AKAP13: variants seen among roughly 807,000 people sequenced by gnomAD.
The protein encoded by AKAP13 is A-kinase anchor protein 13.
In AKAP13, 80 loss-of-function variants were observed where a neutral mutation model predicts 264.5. The ratio of observed to expected loss-of-function variants is 0.30; its 90% CI spans 0.25 to 0.36. The LOEUF is 0.36. Ranked by LOEUF, AKAP13 falls within the 10% of genes least tolerant of loss-of-function variation. AKAP13 has a pLI of 1.00. For synonymous variants in AKAP13, 1,380 were observed against 1,250.2 expected, an observed-to-expected ratio of 1.10 and a Z score of -2.19; for missense variants, 3,712 against 3,435.2, an observed-to-expected ratio of 1.08 and a Z score of -2.01.
chr15:85,651,793 A>T lies in AKAP13; in HGVS notation c.4375-3624A>T, dbSNP rs183202898. ...TGTCTTAACTGTTTTCCCACCGCAG[A>T]TTAGTTTTCTGTTTCAGAACTTCGT... is the stretch of plus-strand genomic sequence containing the variant. On this transcript the variant is annotated intron_variant, in intron 10 of 36. Transcript: ENST00000394518. Among the ~76,000 whole-genome samples the T allele has an allele frequency of 3.3e-5, 5 of 152,298 alleles. No homozygotes were observed. The East Asian group carries it at 9.6e-4, about 29-fold the overall frequency.
At chr15:85,617,535 C>T (rs2080997004) in intron 8 of AKAP13, among the ~76,000 whole-genome samples, 1 of 152,176 alleles carries the variant, frequency 6.6e-6, no homozygotes, top group African/African-American at 2.4e-5. Flanking sequence ...CCACCGCGCC[C>T]AGCCGGTAGG....
At position 85,745,387 on chromosome 15, in the gene AKAP13, C is replaced by G. The variant is rs1202759926; in HGVS notation, c.*710C>G. 1.3e-5 allele frequency: 2 copies of G among 152,184 alleles called. No individual in the cohort carries two copies. The highest frequency in any genetic ancestry group is 4.8e-5 in the African/African-American group (2 of 41,428). The allele number at this position is 152,184 out of a possible 1,614,324, so 9.4% of individuals were successfully genotyped here. On this transcript the variant is annotated 3_prime_UTR_variant, in exon 37 of 37. Transcript: ENST00000394518. ...GTATAAAAGACGTGATGTGCACCAC[C>G]TCGATCTCGGTGTTTCAGGCACTAA...
chr15:85,590,319 G>A (rs2079534276), intron 8 of AKAP13, among the ~76,000 whole-genome samples: 1 of 152,138 alleles, frequency 6.6e-6, no homozygotes, highest in African/African-American at 2.4e-5. Context: ...AACGTGTAAT[G>A]GTCAGAGCAT....
At chr15:85,674,383 G>A (rs1179140476) in intron 14 of AKAP13, among the ~76,000 whole-genome samples, 3 of 152,136 alleles carry the variant, frequency 2.0e-5, no homozygotes, top group African/African-American at 7.2e-5. Context: ...TGAATTTCAT[G>A]TTCAGATGTG....
chr15:85,657,242 T>C (rs1429882025), intron 11 of AKAP13, among the ~76,000 whole-genome samples: 1 of 152,188 alleles, frequency 6.6e-6, no homozygotes, highest in Non-Finnish European at 1.5e-5. Context: ...GATAATATTA[T>C]GGCTGTGTAA....
intron 8 of AKAP13, among the ~76,000 whole-genome samples, chr15:85,605,623 C>G (rs191899182): frequency 6.6e-6 from 1 of 151,854 alleles, no homozygotes; most frequent in Non-Finnish European, 1.5e-5. Flanking sequence ...ACATGTAGCC[C>G]GGAACTTAAA....
chr15:85,580,802 G>C lies in AKAP13; in HGVS notation c.2734G>C (p.Gly912Arg). 6.2e-7 allele frequency: 1 copy of C among 1,614,062 alleles called. No homozygotes were observed. The highest frequency in any genetic ancestry group is 1.3e-5 in the African/African-American group (1 of 75,046). ...TTTAGATTCAGTTTTGACTGAAGAA[G>C]GAAAACTTCTGGTGGTTTCAGAAAG... ...LALDSVLTEEGKLLVVSESSA... is the reference protein window; with the variant it reads ...LALDSVLTEERKLLVVSESSA... The change falls in exon 7 of 37, where the codon GGA becomes CGA. Residue 912 changes from glycine to arginine, a missense_variant. Physicochemically the swap from Gly to Arg is moderately radical, Grantham distance 125. This residue lies in a region of AKAP13 where 2,759 missense variants were observed against 2,411.7 expected (regional missense o/e 1.14). Transcript: ENST00000394518.
intron 1 of AKAP13, among the ~76,000 whole-genome samples, chr15:85,411,717 G>A (rs1356138513): frequency 1.3e-5 from 2 of 152,210 alleles, no homozygotes; most frequent in African/African-American, 2.4e-5. Context: ...GATTACAGGC[G>A]TGAGCCACCG....
At chr15:85,463,249 C>T (rs1042509085) in intron 1 of AKAP13, among the ~76,000 whole-genome samples, 1 of 151,894 alleles carries the variant, frequency 6.6e-6, no homozygotes, top group African/African-American at 2.4e-5. Context: ...AAGAAGGGAG[C>T]ATGGGAAAGA....
At chr15:85,639,258 C>A (rs940901629) in intron 8 of AKAP13, 116 bp from the exon 9 acceptor site, 4 of 703,904 alleles carry the variant, frequency 5.7e-6, no homozygotes, top group African/African-American at 1.8e-5. Flanking sequence ...TAAGTTTGCT[C>A]ACCCTGTATT....
chr15:85,582,732 T>C (rs1314220936), intron 7 of AKAP13, among the ~76,000 whole-genome samples: 1 of 151,440 alleles, frequency 6.6e-6, no homozygotes, highest in African/African-American at 2.4e-5. Flanking sequence ...GCTTGGGGAG[T>C]GGACCTCTAG....
At chr15:85,649,889 T>A (rs907986562) in intron 10 of AKAP13, among the ~76,000 whole-genome samples, 1 of 152,140 alleles carries the variant, frequency 6.6e-6, no homozygotes, top group Non-Finnish European at 1.5e-5. Flanking sequence ...ATAATTAAAG[T>A]CTACAGGAAA....
intron 14 of AKAP13, among the ~76,000 whole-genome samples, chr15:85,675,567 G>T (rs565650704): frequency 1.7e-3 from 257 of 152,276 alleles, no homozygotes; most frequent in Admixed American, 3.4e-3. Flanking sequence ...GGTAGGAGGG[G>T]GGTGAACTCA....
chr15:85,707,244 G>C (rs2086341518), intron 17 of AKAP13, among the ~76,000 whole-genome samples: 1 of 152,220 alleles, frequency 6.6e-6, no homozygotes, highest in East Asian at 1.9e-4. Context: ...CTGATGGTAA[G>C]CCTTCTGAGA....
At chr15:85,561,629 T>C (rs1245083555) in intron 5 of AKAP13, among the ~76,000 whole-genome samples, 1 of 152,242 alleles carries the variant, frequency 6.6e-6, no homozygotes, top group Non-Finnish European at 1.5e-5. Flanking sequence ...TCGATGCATC[T>C]ATAACTAATA....
intron 1 of AKAP13, among the ~76,000 whole-genome samples, chr15:85,454,509 T>G (rs2074211773): frequency 6.6e-6 from 1 of 152,132 alleles, no homozygotes; most frequent in South Asian, 2.1e-4. Flanking sequence ...TTTCCTTGAT[T>G]AATCCCAATG....
chr15:85,447,552 G>GT lies in AKAP13; in HGVS notation c.-11-38156dup, dbSNP rs766822926. Among the ~76,000 whole-genome samples, 218 of 151,690 alleles carry GT rather than the reference G, an allele frequency of 1.4e-3. 2 individuals are homozygous for GT. Among genetic ancestry groups the GT allele is most frequent in the African/African-American group, 1.1e-3 (44 of 41,282 alleles). ...CACCCCCAAATAGACCCCAGTGTCT[G>GT]TTGTTTCCTTCTTTGTGTTAGTAAG... On this transcript the variant is annotated intron_variant, in intron 1 of 36. Coordinates refer to ENST00000394518, the MANE Select transcript of AKAP13 (RefSeq NM_007200.5).
intron 2 of AKAP13, among the ~76,000 whole-genome samples, chr15:85,509,054 T>C (rs1818213169): frequency 6.6e-6 from 1 of 152,228 alleles, no homozygotes; most frequent in South Asian, 2.1e-4. Context: ...TCTTACCTGC[T>C]AAAATATAAG....
chr15:85,482,592 C>G (rs758324396), intron 1 of AKAP13, among the ~76,000 whole-genome samples: 22 of 152,106 alleles, frequency 1.4e-4, no homozygotes, highest in Non-Finnish European at 2.9e-5. Context: ...GATCCTCTTA[C>G]GATGTGGGGG....
Sources: allele counts gnomAD v4.1 joint callset (sites outside exome capture counted in the v4.1 genomes callset), GRCh38; gene constraint gnomAD v4.1.1; regional missense constraint gnomAD v4.1.1; transcripts MANE v1.5; gene names NCBI Gene and HGNC (gene_info 2026-07-23, HGNC 2026-07-21).